The following GRM8 variants were observed in gnomAD, a reference collection of about 807,000 sequenced individuals.
The protein encoded by GRM8 is glutamate metabotropic receptor 8.
Under a neutral mutation model 87.2 loss-of-function variants are expected in GRM8, and 47 were observed. The ratio of observed to expected loss-of-function variants is 0.54; its 90% CI spans 0.43 to 0.69. The LOEUF (loss-of-function observed/expected upper bound fraction) is 0.69, where lower values mean the gene tolerates loss of function less well. Among genes scored for constraint, GRM8 ranks in the 30% least tolerant of loss-of-function variants. The pLI is 0.00. For missense variants in GRM8, 1,019 were observed against 1,139.2 expected, an observed-to-expected ratio of 0.89 and a Z score of 1.52; for synonymous variants, 396 against 404.5, an observed-to-expected ratio of 0.98 and a Z score of 0.25.
Position 126,533,595 on chromosome 7 carries a change from A to G in GRM8, c.1787T>C (p.Ile596Thr), listed in dbSNP as rs1456329519. The G allele has an allele frequency of 2.5e-6, 4 of 1,613,982 alleles. No homozygotes were observed. The highest frequency in any genetic ancestry group is 3.4e-6 in the Non-Finnish European group (4 of 1,180,010). Residue 596 changes from isoleucine to threonine, a missense_variant, in exon 9 of 11, where the codon ATC becomes ACC. Coordinates refer to ENST00000339582, the MANE Select transcript of GRM8 (RefSeq NM_000845.3). ...GGTCACGATCACAAAGGTGGTGGCG[A>G]TGATTCCCAATATTGCAACAAACAC... Reference protein sequence around the residue: ...VPVFVAILGIIATTFVIVTFV... With the variant: ...VPVFVAILGITATTFVIVTFV...
At chr7:126,836,830 T>C (rs1425707624) in intron 6 of GRM8, among the ~76,000 whole-genome samples, 1 of 152,220 alleles carries the variant, frequency 6.6e-6, no homozygotes, top group East Asian at 1.9e-4. Flanking sequence ...GACCATAAGA[T>C]TTCTGAAGTC....
At chr7:127,010,643 C>G (rs1340169005) in intron 3 of GRM8, among the ~76,000 whole-genome samples, 1 of 152,118 alleles carries the variant, frequency 6.6e-6, no homozygotes, top group East Asian at 1.9e-4. Flanking sequence ...TACCCAACAA[C>G]ATTGTGATAG....
intron 2 of GRM8, among the ~76,000 whole-genome samples, chr7:127,125,800 A>ACACACACACAC (rs1491333155): frequency 1.4e-4 from 20 of 146,872 alleles, no homozygotes; most frequent in Non-Finnish European, 2.6e-4. Context: ...ACACACACAC[A>ACACACACACAC]AATAACTATT....
At chr7:126,626,554 T>C (rs2151159163) in intron 7 of GRM8, among the ~76,000 whole-genome samples, 2 of 152,324 alleles carry the variant, frequency 1.3e-5, no homozygotes, top group East Asian at 3.9e-4. Context: ...TAAATGGATC[T>C]TGTTCTGGCC....
intron 3 of GRM8, among the ~76,000 whole-genome samples, chr7:126,942,639 G>A (rs1285520408): frequency 6.6e-6 from 1 of 152,186 alleles, no homozygotes; most frequent in East Asian, 1.9e-4. Flanking sequence ...GTATGTGAAT[G>A]TCCTAGTCCA....
At position 126,540,564 on chromosome 7, in the gene GRM8, G is replaced by C. The variant is rs749315085; in HGVS notation, c.1495-6677C>G. Among the ~76,000 whole-genome samples the C allele has an allele frequency of 4.9e-4, 75 of 152,108 alleles. 2 individuals are homozygous for C. The highest frequency in any genetic ancestry group is 8.8e-5 in the Non-Finnish European group (6 of 68,000). ...CCAAATGACCAGTAACTGATGAAAG[G>C]ATAAAAAATGTGGTATATCTATATT... On this transcript the variant is annotated intron_variant, in intron 8 of 10. Transcript: ENST00000339582.
chr7:127,098,933 A>G (rs1431279650), intron 3 of GRM8, among the ~76,000 whole-genome samples: 2 of 152,240 alleles, frequency 1.3e-5, no homozygotes, highest in East Asian at 3.8e-4. Context: ...GTGCAAATCT[A>G]CAATGAAAAG....
At chr7:126,937,454 T>A (rs1246369606) in intron 3 of GRM8, among the ~76,000 whole-genome samples, 1 of 152,050 alleles carries the variant, frequency 6.6e-6, no homozygotes, top group African/African-American at 2.4e-5. Flanking sequence ...AAACCAAATC[T>A]CAGGTTCCCA....
intron 7 of GRM8, among the ~76,000 whole-genome samples, chr7:126,678,170 G>A (rs1340929160): frequency 6.6e-6 from 1 of 152,118 alleles, no homozygotes; most frequent in Non-Finnish European, 1.5e-5. Flanking sequence ...TAGTACTGGA[G>A]TTTGATCATT....
intron 2 of GRM8, among the ~76,000 whole-genome samples, chr7:127,127,138 A>T (rs892452404): frequency 6.6e-6 from 1 of 152,024 alleles, no homozygotes; most frequent in Non-Finnish European, 1.5e-5. Flanking sequence ...AATTGCTACA[A>T]CCACTTTTGA....
chr7:126,491,231 A>C (rs996548139), intron 9 of GRM8, among the ~76,000 whole-genome samples: 1 of 152,052 alleles, frequency 6.6e-6, no homozygotes, highest in Admixed American at 6.6e-5. Context: ...GTTATATACT[A>C]TTTCACAGAA....
intron 7 of GRM8, among the ~76,000 whole-genome samples, chr7:126,650,929 C>T (rs1803777597): frequency 1.3e-5 from 2 of 152,126 alleles, no homozygotes; most frequent in South Asian, 4.2e-4. Flanking sequence ...TAGCTACAGC[C>T]ACTGCTGAGT....
intron 2 of GRM8, 138 bp from the exon 3 acceptor site, chr7:127,106,850 C>T (rs1825854334): frequency 3.1e-6 from 2 of 642,828 alleles, no homozygotes; most frequent in South Asian, 3.8e-5. Flanking sequence ...TTTATGACTA[C>T]CAATTTAATT....
intron 7 of GRM8, among the ~76,000 whole-genome samples, chr7:126,734,390 T>TA (rs1333593729): frequency 2.0e-5 from 3 of 151,840 alleles, no homozygotes; most frequent in Non-Finnish European, 1.5e-5. Context: ...GGCAATATTT[T>TA]AAATAATGAT....
At chr7:126,722,789 C>G (rs934502533) in intron 7 of GRM8, among the ~76,000 whole-genome samples, 3 of 146,788 alleles carry the variant, frequency 2.0e-5, no homozygotes, top group African/African-American at 5.1e-5. Flanking sequence ...AACTTGTTCT[C>G]TTGAATGAAC....
chr7:127,151,580 G>A lies in GRM8; in HGVS notation c.511-44868C>T, dbSNP rs1302182784. Among the ~76,000 whole-genome samples, 7 of 152,164 alleles carry A rather than the reference G, an allele frequency of 4.6e-5. 1 individual carries two copies. The highest frequency in any genetic ancestry group is 1.7e-4 in the African/African-American group (7 of 41,540). On this transcript the variant is annotated intron_variant, in intron 2 of 10. Transcript: ENST00000339582. Reference sequence around the variant, plus strand: ...GGCGATCGGGATGCTGTTCAGTCACGCTGCAACATCTGCCTTTCATTATCA... The same window carrying A: ...GGCGATCGGGATGCTGTTCAGTCACACTGCAACATCTGCCTTTCATTATCA...
intron 9 of GRM8, among the ~76,000 whole-genome samples, chr7:126,521,392 T>C (rs1377343330): frequency 6.6e-6 from 1 of 152,142 alleles, no homozygotes; most frequent in Non-Finnish European, 1.5e-5. Context: ...TATTTTTTTT[T>C]TCAAAATGGT....
chr7:126,976,543 G>A (rs564586623), intron 3 of GRM8, among the ~76,000 whole-genome samples: 5 of 152,028 alleles, frequency 3.3e-5, no homozygotes, highest in East Asian at 1.9e-4. Flanking sequence ...GCAGTGAACC[G>A]AGATGGCGCC....
At chr7:127,192,631 G>A (rs149430948) in intron 2 of GRM8, among the ~76,000 whole-genome samples, 11 of 152,284 alleles carry the variant, frequency 7.2e-5, no homozygotes, top group East Asian at 5.8e-4. Flanking sequence ...AGCACTTTAC[G>A]TTGTACACAG....
Sources: gnomAD v4.1 joint callset for allele counts (sites outside exome capture counted in the v4.1 genomes callset) on GRCh38, gnomAD v4.1.1 for gene constraint, MANE v1.5 for transcripts, NCBI Gene and HGNC (gene_info 2026-07-23, HGNC 2026-07-21) for gene names.